The following CDH13 variants were observed in gnomAD, a reference collection of about 807,000 sequenced individuals.
CDH13 encodes cadherin-13.
CDH13 carries 24 observed loss-of-function variants against 63.8 expected under a neutral mutation model. The ratio of observed to expected loss-of-function variants is 0.38; its 90% CI spans 0.27 to 0.53. CDH13 has a LOEUF of 0.53. Ranked by LOEUF, CDH13 falls within the 20% of genes least tolerant of loss-of-function variation. The pLI is 0.85. For missense variants in CDH13, 1,049 were observed against 903.1 expected (o/e 1.16, Z -2.07); for synonymous variants, 503 against 355.3 (o/e 1.42, Z -4.67).
chr16:82,936,778 G>T (rs796674923), intron 2 of CDH13, among the ~76,000 whole-genome samples: 2 of 152,172 alleles, frequency 1.3e-5, no homozygotes, highest in Non-Finnish European at 2.9e-5. Flanking sequence ...TGAGTGCATT[G>T]CCCACACAAC....
chr16:82,837,736 G>T (rs912862205), intron 1 of CDH13, among the ~76,000 whole-genome samples: 1 of 152,176 alleles, frequency 6.6e-6, no homozygotes, highest in East Asian at 1.9e-4. Flanking sequence ...AGCTCATCGA[G>T]CTGGTCACGT....
chr16:82,729,377 C>T (rs2033275128), intron 1 of CDH13, among the ~76,000 whole-genome samples: 1 of 152,134 alleles, frequency 6.6e-6, no homozygotes, highest in Admixed American at 6.6e-5. Flanking sequence ...GATCCATGGG[C>T]TGCGCAATAG....
intron 10 of CDH13, among the ~76,000 whole-genome samples, chr16:83,682,194 A>G (rs546054613): frequency 6.6e-6 from 1 of 152,346 alleles, no homozygotes; most frequent in South Asian, 2.1e-4. Flanking sequence ...GCAGAATAGC[A>G]GTATCCTCTG....
intron 7 of CDH13, among the ~76,000 whole-genome samples, chr16:83,520,565 T>G (rs1315845841): frequency 1.3e-5 from 2 of 152,216 alleles, no homozygotes; most frequent in Non-Finnish European, 2.9e-5. Context: ...TCGACGTCAT[T>G]GCATGGATCC....
chr16:83,604,494 T>C (rs1908144385), intron 8 of CDH13, among the ~76,000 whole-genome samples: 1 of 152,226 alleles, frequency 6.6e-6, no homozygotes, highest in African/African-American at 2.4e-5. Flanking sequence ...TTGATTACTT[T>C]TAAATGGTTT....
intron 7 of CDH13, among the ~76,000 whole-genome samples, chr16:83,553,839 G>A (rs1168067963): frequency 1.1e-4 from 17 of 152,242 alleles, no homozygotes; most frequent in Admixed American, 9.2e-4. Context: ...TTACAGGCGT[G>A]AGCCACCACA....
intron 10 of CDH13, chr16:83,710,181 G>T (rs1201161894): frequency 6.6e-6 from 1 of 152,240 alleles, no homozygotes; most frequent in Non-Finnish European, 1.5e-5. Flanking sequence ...AACCCCAGAT[G>T]TCAGGGGGGA....
chr16:83,482,811 G>A (rs1218305730), intron 6 of CDH13, among the ~76,000 whole-genome samples: 1 of 152,204 alleles, frequency 6.6e-6, no homozygotes, highest in Non-Finnish European at 1.5e-5. Flanking sequence ...TGCACACTAA[G>A]ACCATGGGCA....
intron 5 of CDH13, among the ~76,000 whole-genome samples, chr16:83,293,237 C>T (rs2089506431): frequency 6.6e-6 from 1 of 152,172 alleles, no homozygotes; most frequent in Admixed American, 6.6e-5. Flanking sequence ...ACTGGTCTGG[C>T]AGTAAAGAGC....
intron 6 of CDH13, among the ~76,000 whole-genome samples, chr16:83,428,072 G>T (rs1156891334): frequency 1.3e-5 from 2 of 152,214 alleles, no homozygotes; most frequent in Non-Finnish European, 2.9e-5. Flanking sequence ...ATGACACAGA[G>T]AGGGTCATTT....
chr16:83,508,951 A>G (rs1392666561), intron 7 of CDH13, among the ~76,000 whole-genome samples: 1 of 149,702 alleles, frequency 6.7e-6, no homozygotes, highest in Non-Finnish European at 1.5e-5. Flanking sequence ...GGAGTTGAGA[A>G]TTTATGCATA....
intron 1 of CDH13, among the ~76,000 whole-genome samples, chr16:82,676,757 A>G (rs1177082445): frequency 6.6e-6 from 1 of 151,986 alleles, no homozygotes; most frequent in East Asian, 1.9e-4. Flanking sequence ...CAGCCCCTCC[A>G]TTCTCCTTTC....
intron 7 of CDH13, among the ~76,000 whole-genome samples, chr16:83,580,480 CTCTCTCTCTCTCTCTCTCTCTCTCTCTA>C (rs1316379074): frequency 2.5e-5 from 3 of 119,150 alleles, no homozygotes; most frequent in Non-Finnish European, 5.7e-5. Context: ...CTCTCTCTCT[CTCTCTCTCTCTCTCTCTCTCTCTCTCTA>C]AGTCAGGTCA....
intron 1 of CDH13, among the ~76,000 whole-genome samples, chr16:82,717,436 A>G (rs1248678544): frequency 1.2e-4 from 2 of 17,354 alleles, no homozygotes; most frequent in Non-Finnish European, 2.5e-4. Flanking sequence ...ACTTTGCCTA[A>G]AAAAAAAAAA....
intron 1 of CDH13, among the ~76,000 whole-genome samples, chr16:82,640,567 A>C (rs774034394): frequency 4.6e-5 from 7 of 152,206 alleles, no homozygotes; most frequent in African/African-American, 9.6e-5. Context: ...ATTTACAAAC[A>C]CAAGCAGAGC....
intron 5 of CDH13, among the ~76,000 whole-genome samples, chr16:83,313,937 T>A (rs757172622): frequency 1.3e-4 from 20 of 152,230 alleles, no homozygotes; most frequent in Non-Finnish European, 2.8e-4. Flanking sequence ...TGCAATATGA[T>A]GTTTTTCAGT....
At chr16:83,455,767 T>G (rs2073008909) in intron 6 of CDH13, among the ~76,000 whole-genome samples, 1 of 152,222 alleles carries the variant, frequency 6.6e-6, no homozygotes, top group Non-Finnish European at 1.5e-5. Context: ...CTTTGTCACT[T>G]AAAGTGCAGG....
At chr16:83,616,608 C>T (rs558012533) in intron 8 of CDH13, among the ~76,000 whole-genome samples, 7 of 152,084 alleles carry the variant, frequency 4.6e-5, no homozygotes, top group Admixed American at 2.0e-4. Context: ...AGCCATAAAA[C>T]ATCTACTTTT....
intron 3 of CDH13, among the ~76,000 whole-genome samples, chr16:83,045,573 GTCACAGTGATCCAAGA>G (rs930202324): frequency 4.1e-5 from 6 of 148,002 alleles, no homozygotes; most frequent in African/African-American, 1.5e-4. Flanking sequence ...GGAGGCAGAG[GTCACAGTGATCCAAGA>G]TCACGCCACT....
Sources: gnomAD v4.1 joint callset for allele counts (sites outside exome capture counted in the v4.1 genomes callset) on GRCh38, gnomAD v4.1.1 for gene constraint, MANE v1.5 for transcripts, NCBI Gene and HGNC (gene_info 2026-07-23, HGNC 2026-07-21) for gene names.